Variants in MMP26 observed in about 807,000 individuals in gnomAD.
MMP26 encodes matrix metalloproteinase-26.
A neutral mutation model predicts 31.0 loss-of-function variants in MMP26; 33 were observed. The ratio of observed to expected loss-of-function variants is 1.06; its 90% CI spans 0.81 to 1.42. The LOEUF (loss-of-function observed/expected upper bound fraction) is 1.42, where lower values mean the gene tolerates loss of function less well. Among genes scored for constraint, MMP26 ranks in the 40% most tolerant of loss-of-function variants. MMP26 has a pLI of 0.00. For missense variants in MMP26, 347 were observed against 316.1 expected (o/e 1.10, Z -0.74); for synonymous variants, 122 against 114.9 (o/e 1.06, Z -0.40).
intron 2 of MMP26, among the ~76,000 whole-genome samples, chr11:4,883,573 A>G (rs1850509224): frequency 6.6e-6 from 1 of 152,098 alleles, no homozygotes; most frequent in African/African-American, 2.4e-5. Flanking sequence ...CTCATTGCCT[A>G]TATATTCTAA....
At chr11:4,907,641 G>A in intron 2 of MMP26, 1 of 1,613,980 alleles carries the variant, frequency 6.2e-7, no homozygotes, top group Non-Finnish European at 8.5e-7. Flanking sequence ...AATGCCATGG[G>A]AATTTCACCT....
At chr11:4,706,577 C>CAAAAAAA (rs71050423) in intron 1 of MMP26, among the ~76,000 whole-genome samples, 12 of 87,546 alleles carry the variant, frequency 1.4e-4, no homozygotes, top group South Asian at 4.6e-4. Flanking sequence ...GACCCTATCT[C>CAAAAAAA]AAAAAAAAAA....
intron 2 of MMP26, among the ~76,000 whole-genome samples, chr11:4,935,206 G>C (rs1009269783): frequency 6.6e-6 from 1 of 151,736 alleles, no homozygotes; most frequent in East Asian, 1.9e-4. Context: ...TCCTACCCAT[G>C]AGCATGGAAT....
intron 2 of MMP26, among the ~76,000 whole-genome samples, chr11:4,939,194 A>G (rs1371473260): frequency 6.6e-6 from 1 of 152,074 alleles, no homozygotes; most frequent in Non-Finnish European, 1.5e-5. Context: ...TCATGTTTAC[A>G]CTGTTCACTG....
intron 1 of MMP26, chr11:4,709,696 G>A (rs980923560): frequency 2.2e-6 from 1 of 458,912 alleles, no homozygotes; most frequent in African/African-American, 2.0e-5. Context: ...GCTATCTCTG[G>A]GAATGGCATG....
chr11:4,811,863 A>G (rs953236139), intron 2 of MMP26, among the ~76,000 whole-genome samples: 2 of 152,100 alleles, frequency 1.3e-5, no homozygotes, highest in African/African-American at 4.8e-5. Context: ...AGGTGAAAGG[A>G]GTATATAGTA....
intron 2 of MMP26, chr11:4,821,697 A>G (rs779976852): frequency 6.8e-6 from 11 of 1,614,028 alleles, no homozygotes; most frequent in South Asian, 5.5e-5. Flanking sequence ...TTGAAGCCCG[A>G]GAAATCAACC....
At chr11:4,728,443 G>A (rs925709665) in intron 1 of MMP26, among the ~76,000 whole-genome samples, 1 of 152,244 alleles carries the variant, frequency 6.6e-6, no homozygotes, top group East Asian at 1.9e-4. Flanking sequence ...GGAGTACAGA[G>A]GCCTTGTCCC....
At chr11:4,832,838 C>T (rs570943691) in intron 2 of MMP26, 8 of 177,060 alleles carry the variant, frequency 4.5e-5, no homozygotes, top group South Asian at 2.9e-4. Context: ...GGGAGTGCCT[C>T]GAAGCTCTTG....
chr11:4,737,820 T>G (rs1458967127), intron 1 of MMP26, among the ~76,000 whole-genome samples: 4 of 152,208 alleles, frequency 2.6e-5, no homozygotes, highest in Non-Finnish European at 4.4e-5. Context: ...GTATTCATTT[T>G]TAAAAGTAAA....
In MMP26 at chr11:4,988,138, T is replaced by C. The variant is rs1846932781; in HGVS notation, c.-74T>C. ...GGCAGAGTGAGTCATTGGATGTTGC[T>C]GGCACAGCTATAAAGATCCAGTGGC... is the stretch of plus-strand genomic sequence containing the variant. On this transcript the variant is annotated 5_prime_UTR_variant, in exon 3 of 8. Coordinates refer to ENST00000380390, the MANE Select transcript of MMP26 (RefSeq NM_021801.5). 3.8e-6 allele frequency: 5 copies of C among 1,321,960 alleles called. No homozygotes were observed. The highest frequency in any genetic ancestry group is 1.1e-6 in the Non-Finnish European group (1 of 913,908). The allele number at this position is 1,321,960 out of a possible 1,614,324, so 81.9% of individuals were successfully genotyped here.
intron 2 of MMP26, chr11:4,822,483 A>AT: frequency 1.7e-5 from 17 of 1,023,850 alleles, no homozygotes; most frequent in Non-Finnish European, 2.2e-5. Flanking sequence ...AAACTAAGCA[A>AT]TTTATAGGTT....
intron 2 of MMP26, among the ~76,000 whole-genome samples, chr11:4,891,907 G>T (rs1037803611): frequency 2.0e-5 from 3 of 152,012 alleles, no homozygotes; most frequent in African/African-American, 7.3e-5. Flanking sequence ...GGAATTATAA[G>T]GTAAATAGTT....
chr11:4,723,246 T>C, intron 1 of MMP26: 1 of 1,225,074 alleles, frequency 8.2e-7, no homozygotes, highest in Non-Finnish European at 1.2e-6. Context: ...AGCCGGCTGA[T>C]GTTCCAGTTC....
At chr11:4,807,535 C>A (rs1849287827) in intron 2 of MMP26, among the ~76,000 whole-genome samples, 1 of 143,140 alleles carries the variant, frequency 7.0e-6, no homozygotes, top group African/African-American at 2.6e-5. Context: ...CCAAACACCG[C>A]ATGTTCTTAC....
intron 2 of MMP26, chr11:4,924,203 G>A: frequency 6.2e-7 from 1 of 1,614,192 alleles, no homozygotes; most frequent in East Asian, 2.2e-5. Context: ...GTGGAGAATG[G>A]TGAGGTTCCC....
chr11:4,790,302 C>T (rs991346886), intron 2 of MMP26, among the ~76,000 whole-genome samples: 4 of 152,112 alleles, frequency 2.6e-5, no homozygotes, highest in African/African-American at 4.8e-5. Flanking sequence ...AAGATTGCGC[C>T]ATTGCCATTG....
intron 1 of MMP26, chr11:4,723,125 G>T (rs1423680826): frequency 7.3e-5 from 115 of 1,583,724 alleles, no homozygotes; most frequent in Non-Finnish European, 9.3e-5. Context: ...CTCCAGCTCG[G>T]ACAGCTTGGA....
chr11:4,929,009 C>T (rs1320837386), intron 2 of MMP26, among the ~76,000 whole-genome samples: 1 of 152,082 alleles, frequency 6.6e-6, no homozygotes, highest in East Asian at 1.9e-4. Flanking sequence ...CTTCTAGATA[C>T]TTTCTTTAAA....
Sources: allele counts gnomAD v4.1 joint callset (sites outside exome capture counted in the v4.1 genomes callset), GRCh38; gene constraint gnomAD v4.1.1; transcripts MANE v1.5; gene names NCBI Gene and HGNC (gene_info 2026-07-23, HGNC 2026-07-21).